Variants in IRX5 observed in about 807,000 individuals in gnomAD.
IRX5 encodes the protein iroquois-class homeodomain protein IRX-5.
In IRX5, 8 loss-of-function variants were observed where a neutral mutation model predicts 37.6. That is an observed-to-expected ratio of 0.21 (90% confidence interval 0.12 to 0.38). The LOEUF is 0.38. Among genes scored for constraint, IRX5 ranks in the 10% least tolerant of loss-of-function variants. IRX5 has a pLI of 1.00. For missense variants in IRX5, 635 were observed against 695.2 expected, an observed-to-expected ratio of 0.91 and a Z score of 0.97; for synonymous variants, 359 against 328.6, an observed-to-expected ratio of 1.09 and a Z score of -1.00.
intron 1 of IRX5, 109 bp downstream of exon 1, chr16:54,931,556 C>G (rs1963898076): frequency 1.5e-6 from 2 of 1,365,750 alleles, no homozygotes; most frequent in South Asian, 1.5e-5. Flanking sequence ...CCCCGCCAAG[C>G]TTCGCGGCCC....
chr16:54,933,803 G>T lies in IRX5; in HGVS notation c.1382G>T (p.Arg461Leu), dbSNP rs764897962. The T allele has an allele frequency of 6.2e-7, 1 of 1,614,050 alleles. No individual in the cohort carries two copies. Among genetic ancestry groups the T allele is most frequent in the Non-Finnish European group, 8.5e-7 (1 of 1,180,004 alleles). Residue 461 changes from arginine to leucine, a missense_variant, in exon 3 of 3, where the codon CGG becomes CTG. Arg to Leu is a moderately radical substitution (Grantham distance 102). Coordinates refer to ENST00000394636, the MANE Select transcript of IRX5 (RefSeq NM_005853.6). Reference sequence around the variant, plus strand: ...TTGGCTAAAGACCCGAAAATGTTGCGGAGCCAGTCTCAGCTAGACCTGTGC... The same window carrying T: ...TTGGCTAAAGACCCGAAAATGTTGCTGAGCCAGTCTCAGCTAGACCTGTGC... ...DALAKDPKMLRSQSQLDLCKD... is the reference protein window; with the variant it reads ...DALAKDPKMLLSQSQLDLCKD...
intron 1 of IRX5, 34 bp downstream of exon 1, chr16:54,931,481 AGCAGGGGCC>A: frequency 6.6e-7 from 1 of 1,515,284 alleles, no homozygotes; most frequent in Non-Finnish European, 8.8e-7. Flanking sequence ...GGCGAGGGGC[AGCAGGGGCC>A]GGGCGGGAGG....
rs903756713 is a variant in IRX5, at chr16:54,933,433, G to A, written c.1012G>A (p.Ala338Thr). 1 of 1,610,602 alleles carries A rather than the reference G, an allele frequency of 6.2e-7. No individual in the cohort carries two copies. The highest frequency in any genetic ancestry group is 8.5e-7 in the Non-Finnish European group (1 of 1,179,144). ...CGCCAAGCCCAAACTGTGGTCTTTG[G>A]CAGAGATCGCCACATCGTCGGACAA... ...VLAKPKLWSL[A>T]EIATSSDKVK... Residue 338 changes from alanine (A) to threonine (T), a missense_variant, in exon 3 of 3, where the codon GCA (alanine) becomes ACA (threonine). Physicochemically the swap from Ala to Thr is moderately conservative, Grantham distance 58 (BLOSUM62 0). Transcript: ENST00000394636.
chr16:54,932,597 C>A lies in IRX5; in HGVS notation c.349C>A (p.Arg117=). The change falls in exon 2 of 3, where the codon CGG becomes AGG. Residue 117 remains arginine (R), a synonymous_variant. Transcript: ENST00000394636. This position sits in a 1 kb window ranked among gnomAD's most constrained non-coding sequence, Gnocchi z 6.7. ...GTACCCTTACGGGGACCCAGCGTAC[C>A]GGAAGAACGCCACAAGGGACGCCAC... ...GSYPYGDPAY[R]KNATRDATAT... is the part of the protein sequence containing the mutation. 6.2e-7 allele frequency: 1 copy of A among 1,614,092 alleles called. No homozygotes were observed. Among genetic ancestry groups the A allele is most frequent in the Non-Finnish European group, 8.5e-7 (1 of 1,180,020 alleles).
At position 54,933,603 on chromosome 16, in the gene IRX5, C is replaced by G. The variant is rs763360861; in HGVS notation, c.1182C>G (p.Gly394=). 4 of 1,610,234 alleles carry G rather than the reference C, an allele frequency of 2.5e-6. No homozygotes were observed. In the Admixed American group the frequency reaches 6.7e-5, roughly 27 times the overall value. Residue 394 remains glycine, a synonymous_variant, in exon 3 of 3, where the codon GGC becomes GGG. Transcript: ENST00000394636. The part of the protein sequence containing the change: ...RSPSAQCPFP[G]GTVLSRPLYY... ...CCTCGGCGCAGTGTCCTTTTCCAGGCGGGACGGTGCTGTCCCGGCCTCTCT... is the reference window on the plus strand; with the variant it reads ...CCTCGGCGCAGTGTCCTTTTCCAGGGGGGACGGTGCTGTCCCGGCCTCTCT...
In IRX5 at chr16:54,932,593, G is replaced by T; in HGVS notation, c.345G>T (p.Ala115=). Residue 115 remains alanine (A), a synonymous_variant, in exon 2 of 3, where the codon GCG becomes GCT. Coordinates refer to ENST00000394636, the MANE Select transcript of IRX5 (RefSeq NM_005853.6). The surrounding 1 kb of genome is among the most constrained non-coding windows in gnomAD (Gnocchi z 6.7). ...GATCGTACCCTTACGGGGACCCAGCGTACCGGAAGAACGCCACAAGGGACG... is the reference window on the plus strand; with the variant it reads ...GATCGTACCCTTACGGGGACCCAGCTTACCGGAAGAACGCCACAAGGGACG... ...PLGSYPYGDP[A]YRKNATRDAT... 1 of 1,614,042 alleles carries T rather than the reference G, an allele frequency of 6.2e-7. No homozygotes were observed. Among genetic ancestry groups the T allele is most frequent in the South Asian group, 1.1e-5 (1 of 91,074 alleles).
rs748536533 is a variant in IRX5 at position 54,931,366 on chromosome 16, G to A, written c.168G>A (p.Ala56=). Residue 56 remains alanine (A), a synonymous_variant, in exon 1 of 3, where the codon GCG becomes GCA. Coordinates refer to ENST00000394636, the MANE Select transcript of IRX5 (RefSeq NM_005853.6). ...SPYAGSTAFT[A]PSPGYNSHLQ... is the part of the protein sequence containing the mutation. ...ACGCTGGCTCGACTGCCTTCACGGC[G>A]CCCTCGCCGGGCTACAACTCGCACC... 1.9e-6 allele frequency: 3 copies of A among 1,605,316 alleles called. No homozygotes were observed. The highest frequency in any genetic ancestry group is 2.7e-5 in the African/African-American group (2 of 74,810).
At position 54,933,815 on chromosome 16, in the gene IRX5, A is replaced by G. The variant is rs147189488; in HGVS notation, c.1394A>G (p.Gln465Arg). The change falls in exon 3 of 3, where the codon CAG becomes CGG. Residue 465 changes from glutamine to arginine, a missense_variant. Physicochemically the swap from Gln to Arg is conservative, Grantham distance 43. Around this residue, in one of 5 missense-constraint regions of IRX5, gnomAD observed 188 missense variants for 200.8 expected, o/e 0.94. Coordinates refer to ENST00000394636, the MANE Select transcript of IRX5 (RefSeq NM_005853.6). ...KDPKMLRSQSQLDLCKDSPYE... is the reference protein window; with the variant it reads ...KDPKMLRSQSRLDLCKDSPYE... ...CCGAAAATGTTGCGGAGCCAGTCTC[A>G]GCTAGACCTGTGCAAAGACTCTCCC... The G allele has an allele frequency of 9.3e-6, 15 of 1,614,032 alleles. No individual in the cohort carries two copies. The highest frequency in any genetic ancestry group is 1.2e-5 in the Non-Finnish European group (14 of 1,179,936).
In IRX5 at chr16:54,933,512, G is replaced by T; in HGVS notation, c.1091G>T (p.Gly364Val). The change falls in exon 3 of 3, where the codon GGG (glycine) becomes GTG (valine). Residue 364 changes from glycine to valine, a missense_variant. Physicochemically the swap from Gly to Val is moderately radical, Grantham distance 109. Around this residue, in one of 5 missense-constraint regions of IRX5, gnomAD observed 188 missense variants for 200.8 expected, o/e 0.94. Transcript: ENST00000394636. ...NEGSPCPPCP[G>V]PIAGQALGGS... ...GGCTCTCCATGCCCACCGTGTCCCGGGCCCATAGCCGGGCAAGCCCTAGGA... is the reference window on the plus strand; with the variant it reads ...GGCTCTCCATGCCCACCGTGTCCCGTGCCCATAGCCGGGCAAGCCCTAGGA... 1.2e-6 allele frequency: 2 copies of T among 1,610,382 alleles called. No individual in the cohort carries two copies. Among genetic ancestry groups the T allele is most frequent in the African/African-American group, 2.7e-5 (2 of 75,016 alleles).
At chr16:54,931,546 C>T (rs1483703319) in intron 1 of IRX5, 99 bp downstream of exon 1, 28 of 1,390,098 alleles carry the variant, frequency 2.0e-5, no homozygotes, top group Non-Finnish European at 2.5e-5. Flanking sequence ...CACCGACCTC[C>T]CCCGCCAAGC....
chr16:54,933,409 G>T lies in IRX5; in HGVS notation c.988G>T (p.Ala330Ser), dbSNP rs1963928675. 1.9e-6 allele frequency: 3 copies of T among 1,596,758 alleles called. No homozygotes were observed. Among genetic ancestry groups the T allele is most frequent in the South Asian group, 1.1e-5 (1 of 88,076 alleles). ...PPPPPPPAVL[A>S]KPKLWSLAEI... is the part of the protein sequence containing the mutation. ...TCCGCCGCCGCCTCCTGCGGTGCTC[G>T]CCAAGCCCAAACTGTGGTCTTTGGC... Residue 330 changes from alanine to serine, a missense_variant, in exon 3 of 3, where the codon GCC becomes TCC. Around this residue, in one of 5 missense-constraint regions of IRX5, gnomAD observed 3 missense variants for 16.0 expected, o/e 0.19. Coordinates refer to ENST00000394636, the MANE Select transcript of IRX5 (RefSeq NM_005853.6).
chr16:54,931,763 G>A (rs1244383697), intron 1 of IRX5, among the ~76,000 whole-genome samples: 1 of 152,228 alleles, frequency 6.6e-6, no homozygotes, highest in Non-Finnish European at 1.5e-5. Flanking sequence ...TATATTTTTG[G>A]TTTTGCCATT....
chr16:54,933,366 G>C lies in IRX5; in HGVS notation c.945G>C (p.Ser315=). 6.6e-7 allele frequency: 1 copy of C among 1,524,266 alleles called. No individual in the cohort carries two copies. The highest frequency in any genetic ancestry group is 8.8e-7 in the Non-Finnish European group (1 of 1,140,502). The allele number at this position is 1,524,266 out of a possible 1,614,324, so 94.4% of individuals were successfully genotyped here. ...GEVPPGPGGP[S]VIHSPPPPPP... Reference sequence around the variant, plus strand: ...TGCCTCCGGGTCCCGGCGGGCCCTCGGTTATCCATTCGCCGCCTCCGCCGC... The same window carrying C: ...TGCCTCCGGGTCCCGGCGGGCCCTCCGTTATCCATTCGCCGCCTCCGCCGC... The change falls in exon 3 of 3, where the codon TCG becomes TCC. Residue 315 remains serine (S), a synonymous_variant. Coordinates refer to ENST00000394636, the MANE Select transcript of IRX5 (RefSeq NM_005853.6).
In IRX5 at chr16:54,933,566, C is replaced by G. The variant is rs202086902; in HGVS notation, c.1145C>G (p.Pro382Arg). ...AGCCGGGCGTCGCCGGCCCCGGCGC[C>G]GTCACGCTCGCCCTCGGCGCAGTGT... ...GGSRASPAPA[P>R]SRSPSAQCPF... The change falls in exon 3 of 3, where the codon CCG (proline) becomes CGG (arginine). Residue 382 changes from proline (P) to arginine (R), a missense_variant. Transcript: ENST00000394636. The G allele has an allele frequency of 6.0e-4, 966 of 1,608,500 alleles. 5 individuals are homozygous for G. In the African/African-American group the frequency reaches 9.8e-3, roughly 16 times the overall value.
In IRX5 at chr16:54,933,926, G is replaced by A; in HGVS notation, c.*53G>A. On this transcript the variant is annotated 3_prime_UTR_variant, in exon 3 of 3. Coordinates refer to ENST00000394636, the MANE Select transcript of IRX5 (RefSeq NM_005853.6). ...CTAATTTATTAAAAACATGGCCTTG[G>A]CAGTTATTTTTCCATCACCGAGAGA... The A allele has an allele frequency of 6.7e-7, 1 of 1,481,980 alleles. No individual in the cohort carries two copies. Among genetic ancestry groups the A allele is most frequent in the South Asian group, 1.4e-5 (1 of 69,312 alleles). 91.8% of individuals were successfully genotyped at this position (1,481,980 alleles called of 1,614,324 possible). A position where few individuals can be genotyped will look rare whatever the true frequency, so the allele number is the denominator to read the frequency against.
At position 54,932,966 on chromosome 16, in the gene IRX5, G is replaced by A; in HGVS notation, c.655+63G>A. 2 of 1,584,414 alleles carry A rather than the reference G, an allele frequency of 1.3e-6. No homozygotes were observed. Among genetic ancestry groups the A allele is most frequent in the Non-Finnish European group, 1.7e-6 (2 of 1,168,374 alleles). The stretch of plus-strand genomic sequence containing the variant: ...AAAAAGGAAAAGAGAGGCCTGGAGG[G>A]GGCGCGCACGGGGCCTGGAGGTTGG... On this transcript the variant is annotated intron_variant, in intron 2 of 2. Coordinates refer to ENST00000394636, the MANE Select transcript of IRX5 (RefSeq NM_005853.6). This position sits in a 1 kb window ranked among gnomAD's most constrained non-coding sequence, Gnocchi z 6.7.
chr16:54,933,090 G>C lies in IRX5; in HGVS notation c.669G>C (p.Gln223His). ...TTTCGCCCGCAGGAGGAGCTGAGCA[G>C]AAGGCGGCTTCGGGCTGCGAACGGC... The part of the protein sequence containing the change: ...PEGPEAGGAE[Q>H]KAASGCERLQ... Residue 223 changes from glutamine to histidine, a missense_variant, in exon 3 of 3, where the codon CAG (glutamine) becomes CAC (histidine). Coordinates refer to ENST00000394636, the MANE Select transcript of IRX5 (RefSeq NM_005853.6). 6.3e-7 allele frequency: 1 copy of C among 1,594,576 alleles called. No individual in the cohort carries two copies. Among genetic ancestry groups the C allele is most frequent in the South Asian group, 1.1e-5 (1 of 89,834 alleles).
intron 1 of IRX5, among the ~76,000 whole-genome samples, chr16:54,931,854 C>T (rs1375590738): frequency 6.6e-6 from 1 of 152,186 alleles, no homozygotes; most frequent in Non-Finnish European, 1.5e-5. Flanking sequence ...TTGGCCTAGC[C>T]TTTAATTAGT....
Position 54,933,523 on chromosome 16 carries a change from G to C in IRX5, c.1102G>C (p.Gly368Arg), listed in dbSNP as rs1399065732. 6.2e-7 allele frequency: 1 copy of C among 1,609,310 alleles called. No individual in the cohort carries two copies. Among genetic ancestry groups the C allele is most frequent in the South Asian group, 1.1e-5 (1 of 90,564 alleles). The change falls in exon 3 of 3, where the codon GGG becomes CGG. Residue 368 changes from glycine (G) to arginine (R), a missense_variant. This residue lies in a region of IRX5 where 188 missense variants were observed against 200.8 expected (regional missense o/e 0.94). Coordinates refer to ENST00000394636, the MANE Select transcript of IRX5 (RefSeq NM_005853.6). ...PCPPCPGPIA[G>R]QALGGSRASP... The stretch of plus-strand genomic sequence containing the variant: ...CCCACCGTGTCCCGGGCCCATAGCC[G>C]GGCAAGCCCTAGGAGGCAGCCGGGC...
Sources: allele counts gnomAD v4.1 joint callset (sites outside exome capture counted in the v4.1 genomes callset), GRCh38; gene constraint gnomAD v4.1.1; regional missense constraint gnomAD v4.1.1; non-coding constraint Gnocchi (gnomAD v3.1); transcripts MANE v1.5; gene names NCBI Gene and HGNC (gene_info 2026-07-23, HGNC 2026-07-21).